The following FBXL22 variants were observed in gnomAD, a reference collection of about 807,000 sequenced individuals.
FBXL22 encodes the protein F-box and leucine-rich protein 22.
Under a neutral mutation model 11.7 loss-of-function variants are expected in FBXL22, and 13 were observed. That is an observed-to-expected ratio of 1.11 (90% CI 0.73 to 1.77). The LOEUF (loss-of-function observed/expected upper bound fraction) is 1.77. Among genes scored for constraint, FBXL22 ranks in the 40% most tolerant of loss-of-function variants. The probability of loss-of-function intolerance (pLI) is 0.00; values close to 1 mark genes in which losing one functional copy is unlikely to be tolerated. For missense variants in FBXL22, 406 were observed against 320.4 expected (o/e 1.27, Z -2.04); for synonymous variants, 160 against 144.1 (o/e 1.11, Z -0.79).
At chr15:63,605,550 A>G (rs2067409101), downstream of FBXL22, among the ~76,000 whole-genome samples, 1 of 152,234 alleles carries the variant, frequency 6.6e-6, no homozygotes, top group Non-Finnish European at 1.5e-5. Context: ...GTTAAGGAGA[A>G]TATTTCCATT....
downstream of FBXL22, among the ~76,000 whole-genome samples, chr15:63,605,750 A>C (rs12907238): frequency 0.47 from 71,057 of 152,104 alleles, 17,531 homozygotes; most frequent in Non-Finnish European, 0.54. Flanking sequence ...ACTCTTTCTA[A>C]GGTTTGGCCA....
downstream of FBXL22, chr15:63,601,874 G>T (rs1401752610): frequency 1.3e-6 from 1 of 785,816 alleles, no homozygotes; most frequent in African/African-American, 1.8e-5. Context: ...ACCATTATAA[G>T]CTGACAAGCT....
rs528623394 is a variant in FBXL22, at chr15:63,597,803, G to C, written c.353+58G>C. On this transcript the variant is annotated intron_variant, in intron 1 of 1. Coordinates refer to ENST00000638704, the MANE Select transcript of FBXL22 (RefSeq NM_001367807.1). The surrounding 1 kb of genome is among the most constrained non-coding windows in gnomAD (Gnocchi z 4.3). Reference sequence around the variant, plus strand: ...CCCGCTAGCTCTGGCTTCCCTCTTGGGGGGCAGGGAAGAGCAAATTACGAG... The same window carrying C: ...CCCGCTAGCTCTGGCTTCCCTCTTGCGGGGCAGGGAAGAGCAAATTACGAG... The C allele has an allele frequency of 1.6e-5, 24 of 1,483,798 alleles. No individual in the cohort carries two copies. The highest frequency in any genetic ancestry group is 1.1e-4 in the African/African-American group (8 of 71,726). 91.9% of individuals were successfully genotyped at this position (1,483,798 alleles called of 1,614,324 possible).
At chr15:63,598,199 C>T (rs1475744573) in intron 1 of FBXL22, among the ~76,000 whole-genome samples, 1 of 152,150 alleles carries the variant, frequency 6.6e-6, no homozygotes, top group Non-Finnish European at 1.5e-5. Flanking sequence ...GTGCTCAGGT[C>T]AGCTGAGCCA....
chr15:63,599,829 G>A (rs769829679), intron 1 of FBXL22: 5 of 985,878 alleles, frequency 5.1e-6, no homozygotes, highest in South Asian at 9.4e-5. Flanking sequence ...TGTTTCCAGG[G>A]AAAGCGGGTT....
At position 63,597,810 on chromosome 15, in the gene FBXL22, G is replaced by C; in HGVS notation, c.353+65G>C. The C allele has an allele frequency of 6.9e-7, 1 of 1,446,198 alleles. No individual in the cohort carries two copies. The highest frequency in any genetic ancestry group is 9.2e-7 in the Non-Finnish European group (1 of 1,084,300). The allele number at this position is 1,446,198 out of a possible 1,614,324, so 89.6% of individuals were successfully genotyped here. A position where few individuals can be genotyped will look rare whatever the true frequency, so the allele number is the denominator to read the frequency against. The stretch of plus-strand genomic sequence containing the variant: ...GCTCTGGCTTCCCTCTTGGGGGGCA[G>C]GGAAGAGCAAATTACGAGACCAAGA... On this transcript the variant is annotated intron_variant, in intron 1 of 1. Transcript: ENST00000638704. This position sits in a 1 kb window ranked among gnomAD's most constrained non-coding sequence, Gnocchi z 4.3.
intron 1 of FBXL22, 134 bp from the exon 2 acceptor site, chr15:63,600,563 G>A (rs2067350958): frequency 1.6e-6 from 2 of 1,229,378 alleles, no homozygotes; most frequent in African/African-American, 1.6e-5. Context: ...GAACCCTGCA[G>A]TGTCATCGCA....
downstream of FBXL22, among the ~76,000 whole-genome samples, chr15:63,603,829 A>G: frequency 6.6e-6 from 1 of 152,050 alleles, no homozygotes; most frequent in East Asian, 1.9e-4. Flanking sequence ...GGACTCTGCT[A>G]CTAGCCTGTG....
At chr15:63,599,136 A>T (rs2067322807) in intron 1 of FBXL22, 2 of 1,429,960 alleles carry the variant, frequency 1.4e-6, no homozygotes, top group African/African-American at 1.4e-5. Context: ...AATGTGCTAA[A>T]TTTTTCTTAT....
intron 1 of FBXL22, chr15:63,599,099 C>T (rs2067321856): frequency 6.1e-6 from 7 of 1,149,728 alleles, no homozygotes; most frequent in Non-Finnish European, 8.8e-6. Context: ...ACTTCAAACT[C>T]TTGCAACCTC....
chr15:63,599,051 C>A, intron 1 of FBXL22: 1 of 736,408 alleles, frequency 1.4e-6, no homozygotes. Context: ...CTCTGCTGAG[C>A]CGCTCAGCTC....
downstream of FBXL22, among the ~76,000 whole-genome samples, chr15:63,606,024 G>A (rs1244263544): frequency 6.6e-6 from 1 of 152,230 alleles, no homozygotes; most frequent in African/African-American, 2.4e-5. Flanking sequence ...TTTCTGCACA[G>A]GATGAGTGTT....
At chr15:63,604,550 C>T (rs2067404373), downstream of FBXL22, among the ~76,000 whole-genome samples, 1 of 152,182 alleles carries the variant, frequency 6.6e-6, no homozygotes, top group Non-Finnish European at 1.5e-5. Context: ...AGAAGGTGGG[C>T]ACTGATGGAG....
In FBXL22 at chr15:63,597,986, C is replaced by T. The variant is rs2067300834; in HGVS notation, c.353+241C>T. Among the ~76,000 whole-genome samples, 1 of 152,194 alleles carries T rather than the reference C, an allele frequency of 6.6e-6. No individual in the cohort carries two copies. The highest frequency in any genetic ancestry group is 2.1e-4 in the South Asian group (1 of 4,830). On this transcript the variant is annotated intron_variant, in intron 1 of 1. Coordinates refer to ENST00000638704, the MANE Select transcript of FBXL22 (RefSeq NM_001367807.1). This position sits in a 1 kb window ranked among gnomAD's most constrained non-coding sequence, Gnocchi z 4.3. ...GGTCCTGGGCTGCTTCATGCAAACA[C>T]CAAGAAGTGGGGCCTCCGTACTGGT...
rs977587996 is a variant in FBXL22, at chr15:63,601,019, G to C, written c.676G>C (p.Gly226Arg). 8.3e-6 allele frequency: 10 copies of C among 1,207,464 alleles called. No individual in the cohort carries two copies. Among genetic ancestry groups the C allele is most frequent in the African/African-American group, 1.6e-5 (1 of 63,352 alleles). The allele number at this position is 1,207,464 out of a possible 1,614,324, so 74.8% of individuals were successfully genotyped here. A position where few individuals can be genotyped will look rare whatever the true frequency, so the allele number is the denominator to read the frequency against. Residue 226 changes from glycine to arginine, a missense_variant, in exon 2 of 2, where the codon GGC becomes CGC. Transcript: ENST00000638704. ...CCCGCGCGCGCCCGCCGCGGCCCTC[G>C]GCAAGCTGCTGCAGCGCTAGACGCC... ...PRPRAPAAAL[G>R]KLLQR
In FBXL22 at chr15:63,601,032, A is replaced by T. The variant is rs1366260777; in HGVS notation, c.689A>T (p.Gln230Leu). The part of the protein sequence containing the change: ...APAAALGKLL[Q>L]R ...GCCGCGGCCCTCGGCAAGCTGCTGCAGCGCTAGACGCCGCCCCGCCGCTGC... is the reference window on the plus strand; with the variant it reads ...GCCGCGGCCCTCGGCAAGCTGCTGCTGCGCTAGACGCCGCCCCGCCGCTGC... Residue 230 changes from glutamine to leucine, a missense_variant, in exon 2 of 2, where the codon CAG becomes CTG. Coordinates refer to ENST00000638704, the MANE Select transcript of FBXL22 (RefSeq NM_001367807.1). 4 of 1,217,432 alleles carry T rather than the reference A, an allele frequency of 3.3e-6. No homozygotes were observed. The African/African-American group carries it at 6.3e-5, about 19-fold the overall frequency. The allele number at this position is 1,217,432 out of a possible 1,614,324, so 75.4% of individuals were successfully genotyped here. A position where few individuals can be genotyped will look rare whatever the true frequency, so the allele number is the denominator to read the frequency against.
chr15:63,600,526 A>C, intron 1 of FBXL22, 171 bp from the exon 2 acceptor site: 1 of 1,227,534 alleles, frequency 8.1e-7, no homozygotes, highest in Non-Finnish European at 1.0e-6. Context: ...AGAGGAGGGA[A>C]AATGGGCCGG....
chr15:63,605,656 G>A (rs565780297), downstream of FBXL22, among the ~76,000 whole-genome samples: 15 of 152,214 alleles, frequency 9.9e-5, no homozygotes, highest in Non-Finnish European at 1.6e-4. Context: ...TTGTATTCCC[G>A]AGCCACCCAG....
the FBXL22 span, among the ~76,000 whole-genome samples, chr15:63,607,828 C>T: frequency 2.6e-5 from 4 of 152,128 alleles, no homozygotes; most frequent in Admixed American, 2.0e-4. Context: ...AGGCCTTCCC[C>T]TCTTCCTGCA....
Sources: gnomAD v4.1 joint callset for allele counts (sites outside exome capture counted in the v4.1 genomes callset) on GRCh38, gnomAD v4.1.1 for gene constraint, Gnocchi (gnomAD v3.1) non-coding constraint, MANE v1.5 for transcripts, NCBI Gene and HGNC (gene_info 2026-07-23, HGNC 2026-07-21) for gene names.